The following ADAM10 variants were observed in gnomAD, a reference collection of about 807,000 sequenced individuals.
ADAM10 encodes ADAM metallopeptidase domain 10.
In ADAM10, 17 loss-of-function variants were observed where a neutral mutation model predicts 90.1. That is an observed-to-expected ratio of 0.19 (90% CI 0.13 to 0.28). The LOEUF (loss-of-function observed/expected upper bound fraction) is 0.28, where lower values mean the gene tolerates loss of function less well. Ranked by LOEUF, ADAM10 falls within the 10% of genes least tolerant of loss-of-function variation. The pLI, the probability that ADAM10 is intolerant of heterozygous loss-of-function variation, is 1.00. For missense variants in ADAM10, 610 were observed against 914.3 expected (o/e 0.67, Z 4.29); for synonymous variants, 310 against 298.6 (o/e 1.04, Z -0.40).
intron 2 of ADAM10, among the ~76,000 whole-genome samples, chr15:58,706,484 T>C (rs563413417): frequency 6.6e-6 from 1 of 152,356 alleles, no homozygotes; most frequent in African/African-American, 2.4e-5. Flanking sequence ...TTTTTTAAGA[T>C]AAGTTGCCAA....
intron 3 of ADAM10, 40 bp downstream of exon 3, chr15:58,682,156 A>C (rs1897459527): frequency 6.2e-7 from 1 of 1,605,300 alleles, no homozygotes; most frequent in Non-Finnish European, 8.5e-7. Context: ...TGTAGAAAAA[A>C]AAAAATGGAA....
chr15:58,683,963 T>C (rs1897519124), intron 2 of ADAM10, among the ~76,000 whole-genome samples: 2 of 150,398 alleles, frequency 1.3e-5, no homozygotes, highest in Non-Finnish European at 2.9e-5. Context: ...AATCTAAAAA[T>C]GCTCAAGTCC....
chr15:58,683,801 A>T (rs1407111947), intron 2 of ADAM10, among the ~76,000 whole-genome samples: 2 of 145,364 alleles, frequency 1.4e-5, no homozygotes, highest in African/African-American at 5.3e-5. Flanking sequence ...TGGAGGCTAC[A>T]GTGAGCCAAG....
intron 11 of ADAM10, 48 bp downstream of exon 11, chr15:58,621,423 T>A: frequency 6.2e-7 from 1 of 1,609,006 alleles, no homozygotes; most frequent in Non-Finnish European, 8.5e-7. Flanking sequence ...ATAACTGCAT[T>A]GAGGTAACTT....
intron 3 of ADAM10, among the ~76,000 whole-genome samples, chr15:58,681,149 G>A (rs1255234084): frequency 6.6e-6 from 1 of 152,034 alleles, no homozygotes; most frequent in Non-Finnish European, 1.5e-5. Flanking sequence ...CTCATTTACG[G>A]CCTCGGACTT....
At chr15:58,679,771 G>A (rs1259069205) in intron 3 of ADAM10, among the ~76,000 whole-genome samples, 2 of 152,088 alleles carry the variant, frequency 1.3e-5, no homozygotes, top group African/African-American at 4.8e-5. Flanking sequence ...AGCTGGGCCT[G>A]GTGGCACATG....
chr15:58,610,845 C>G, intron 13 of ADAM10, 154 bp downstream of exon 13: 3 of 689,086 alleles, frequency 4.4e-6, no homozygotes, highest in South Asian at 3.4e-5. Context: ...ATAATAGAGA[C>G]ACAATGCTAC....
intron 2 of ADAM10, chr15:58,692,745 T>C: frequency 1.7e-6 from 1 of 588,548 alleles, no homozygotes; most frequent in Non-Finnish European, 3.3e-6. Context: ...AATACTGTTC[T>C]TCGTCATTGT....
chr15:58,748,570 AG>A, intron 1 of ADAM10: 3 of 203,050 alleles, frequency 1.5e-5, no homozygotes, highest in African/African-American at 2.3e-5. Flanking sequence ...TTTCATGTGC[AG>A]GGGGGAGGGG....
intron 2 of ADAM10, among the ~76,000 whole-genome samples, chr15:58,702,772 T>G (rs1205410496): frequency 6.6e-6 from 1 of 152,200 alleles, no homozygotes; most frequent in Non-Finnish European, 1.5e-5. Flanking sequence ...CAAAATTCAC[T>G]GCTTCTATTA....
chr15:58,647,969 T>C (rs1896594635), intron 5 of ADAM10, among the ~76,000 whole-genome samples: 1 of 152,206 alleles, frequency 6.6e-6, no homozygotes, highest in Non-Finnish European at 1.5e-5. Context: ...AGAACCCAAA[T>C]TGAATTTTAA....
rs138837906 is a variant in ADAM10, at chr15:58,705,705, T to C, written c.206+11872A>G. Among the ~76,000 whole-genome samples the C allele has an allele frequency of 9.5e-3, 1,452 of 152,316 alleles. 21 individuals are homozygous for C. Among genetic ancestry groups the C allele is most frequent in the African/African-American group, 0.033 (1,373 of 41,564 alleles). ...AGGTTATGTACCTCCTACATCTTAA[T>C]ATACAGAAATACTTTCTATAGGTTA... On this transcript the variant is annotated intron_variant, in intron 2 of 15. Transcript: ENST00000260408.
rs1173848735 is a variant in ADAM10 at position 58,596,797 on chromosome 15, T to C, written c.*750A>G. On this transcript the variant is annotated 3_prime_UTR_variant, in exon 16 of 16. Coordinates refer to ENST00000260408, the MANE Select transcript of ADAM10 (RefSeq NM_001110.4). ...GTTTGCACAACACTTAACTGTGTTC[T>C]TCAGTATAGTCACTTGTGCCCGTAG... is the stretch of plus-strand genomic sequence containing the variant. 1 of 153,906 alleles carries C rather than the reference T, an allele frequency of 6.5e-6. No individual in the cohort carries two copies. The highest frequency in any genetic ancestry group is 1.4e-5 in the Non-Finnish European group (1 of 69,232). 9.5% of individuals were successfully genotyped at this position (153,906 alleles called of 1,614,324 possible). A position where few individuals can be genotyped will look rare whatever the true frequency, so the allele number is the denominator to read the frequency against.
At chr15:58,616,142 A>G (rs1008789028) in intron 11 of ADAM10, among the ~76,000 whole-genome samples, 1 of 152,242 alleles carries the variant, frequency 6.6e-6, no homozygotes, top group Non-Finnish European at 1.5e-5. Context: ...AGCAAATACT[A>G]TTAGATCTAA....
At chr15:58,675,625 A>G (rs931257749) in intron 4 of ADAM10, among the ~76,000 whole-genome samples, 1 of 152,182 alleles carries the variant, frequency 6.6e-6, no homozygotes, top group Non-Finnish European at 1.5e-5. Context: ...ACAGAATTAA[A>G]TAAGTATGCA....
At chr15:58,707,278 G>C (rs1898332649) in intron 2 of ADAM10, 1 of 152,106 alleles carries the variant, frequency 6.6e-6, no homozygotes, top group Admixed American at 6.6e-5. Flanking sequence ...CAGCTGCTCA[G>C]GAGGCTGAGG....
At chr15:58,659,574 G>GT (rs1277777370) in intron 5 of ADAM10, among the ~76,000 whole-genome samples, 1 of 151,914 alleles carries the variant, frequency 6.6e-6, no homozygotes, top group Non-Finnish European at 1.5e-5. Context: ...AGCATAATGT[G>GT]TTTTTTTATA....
chr15:58,723,518 G>T (rs971710409), intron 1 of ADAM10, among the ~76,000 whole-genome samples: 25 of 151,880 alleles, frequency 1.6e-4, no homozygotes, highest in African/African-American at 5.3e-4. Context: ...TGAAACCATA[G>T]TGAAACCCAT....
intron 2 of ADAM10, among the ~76,000 whole-genome samples, chr15:58,683,998 G>C (rs145522648): frequency 2.0e-5 from 3 of 151,314 alleles, no homozygotes; most frequent in Non-Finnish European, 4.4e-5. Flanking sequence ...TACAGTATTT[G>C]TATATAACAA....
Sources: allele counts gnomAD v4.1 joint callset (sites outside exome capture counted in the v4.1 genomes callset), GRCh38; gene constraint gnomAD v4.1.1; transcripts MANE v1.5; gene names NCBI Gene and HGNC (gene_info 2026-07-23, HGNC 2026-07-21).